The following NDUFS4 variants were observed in gnomAD, a reference collection of about 807,000 sequenced individuals.
The protein encoded by NDUFS4 is NADH dehydrogenase [ubiquinone] iron-sulfur protein 4, mitochondrial.
NDUFS4 carries 28 observed loss-of-function variants against 24.3 expected under a neutral mutation model. The ratio of observed to expected loss-of-function variants is 1.15; its 90% CI spans 0.85 to 1.58. NDUFS4 has a LOEUF of 1.58. Ranked by LOEUF, NDUFS4 falls within the 40% of genes most tolerant of loss-of-function variation. The probability of loss-of-function intolerance (pLI) is 0.00; values close to 1 mark genes in which losing one functional copy is unlikely to be tolerated. For missense variants in NDUFS4, 223 were observed against 207.9 expected, an observed-to-expected ratio of 1.07 and a Z score of -0.45; for synonymous variants, 93 against 69.7, an observed-to-expected ratio of 1.34 and a Z score of -1.67.
chr5:53,628,244 G>A (rs1751289594), intron 2 of NDUFS4, among the ~76,000 whole-genome samples: 1 of 152,174 alleles, frequency 6.6e-6, no homozygotes, highest in Non-Finnish European at 1.5e-5. Context: ...CTTGATTGTG[G>A]TGGATAAGCT....
At chr5:53,574,817 G>C (rs1749331388) in intron 1 of NDUFS4, among the ~76,000 whole-genome samples, 1 of 151,166 alleles carries the variant, frequency 6.6e-6, no homozygotes, top group African/African-American at 2.4e-5. Context: ...CAATTCCCTG[G>C]GGTTTCCTTT....
intron 1 of NDUFS4, among the ~76,000 whole-genome samples, chr5:53,563,724 A>C (rs1748932402): frequency 6.6e-6 from 1 of 151,910 alleles, no homozygotes; most frequent in Non-Finnish European, 1.5e-5. Flanking sequence ...CTGGTCTCAA[A>C]CTCCTACCCA....
intron 1 of NDUFS4, among the ~76,000 whole-genome samples, chr5:53,601,720 G>A (rs1285091075): frequency 6.6e-6 from 1 of 152,154 alleles, no homozygotes; most frequent in Non-Finnish European, 1.5e-5. Context: ...GTAGTGTGAT[G>A]AAATCTCATG....
chr5:53,615,801 C>G lies in NDUFS4; in HGVS notation c.177+12271C>G, dbSNP rs557932903. On this transcript the variant is annotated intron_variant, in intron 2 of 4. Transcript: ENST00000296684. ...ACATGAAAAATAAACTTGGCTTTCT[C>G]TAAACAACATATAGGATACAGAAAT... is the stretch of plus-strand genomic sequence containing the variant. 5.7e-4 allele frequency among the ~76,000 whole-genome samples: 87 copies of G among 152,144 alleles called. 1 individual carries two copies. The South Asian group carries it at 6.8e-3, about 12-fold the overall frequency.
At chr5:53,612,977 T>C (rs184461967) in intron 2 of NDUFS4, among the ~76,000 whole-genome samples, 40 of 152,228 alleles carry the variant, frequency 2.6e-4, no homozygotes, top group African/African-American at 8.9e-4. Context: ...ACTAAAAGTT[T>C]ATAGATGAAA....
chr5:53,592,195 G>C (rs932240663), intron 1 of NDUFS4, among the ~76,000 whole-genome samples: 2 of 151,914 alleles, frequency 1.3e-5, no homozygotes, highest in Non-Finnish European at 2.9e-5. Flanking sequence ...CAAGTGATCC[G>C]CCCGCCTCGG....
intron 4 of NDUFS4, among the ~76,000 whole-genome samples, chr5:53,675,550 A>G (rs1177728340): frequency 6.6e-6 from 1 of 152,028 alleles, no homozygotes; most frequent in East Asian, 1.9e-4. Flanking sequence ...GCTTTTCTCT[A>G]TACAGACATT....
intron 4 of NDUFS4, among the ~76,000 whole-genome samples, chr5:53,665,341 A>G (rs1752481060): frequency 6.6e-6 from 1 of 151,572 alleles, no homozygotes; most frequent in Non-Finnish European, 1.5e-5. Flanking sequence ...GAGAACCACT[A>G]CTCTTCAAAG....
At chr5:53,619,394 G>T (rs1750958549) in intron 2 of NDUFS4, among the ~76,000 whole-genome samples, 1 of 140,932 alleles carries the variant, frequency 7.1e-6, no homozygotes, top group Non-Finnish European at 1.5e-5. Flanking sequence ...GGAGGCTGAG[G>T]CAGAATCGCT....
intron 1 of NDUFS4, among the ~76,000 whole-genome samples, chr5:53,561,776 A>G (rs1293652029): frequency 2.6e-5 from 4 of 152,118 alleles, no homozygotes; most frequent in Non-Finnish European, 5.9e-5. Flanking sequence ...AATTCGGAAG[A>G]ATTTTTAAGG....
chr5:53,626,732 G>GT (rs921886153), intron 2 of NDUFS4, among the ~76,000 whole-genome samples: 109 of 151,682 alleles, frequency 7.2e-4, no homozygotes, highest in African/African-American at 2.5e-3. Context: ...GGGGCTGTTG[G>GT]TTTTTTTTCT....
intron 2 of NDUFS4, among the ~76,000 whole-genome samples, chr5:53,633,117 A>G (rs919227024): frequency 1.3e-5 from 2 of 152,194 alleles, no homozygotes; most frequent in Non-Finnish European, 1.5e-5. Flanking sequence ...TATACTTGAC[A>G]TTGTAATTCA....
chr5:53,663,427 G>A (rs1164557002), intron 4 of NDUFS4, among the ~76,000 whole-genome samples: 1 of 152,114 alleles, frequency 6.6e-6, no homozygotes, highest in Non-Finnish European at 1.5e-5. Context: ...TGTTGACAGT[G>A]GGGTGTTAAA....
At chr5:53,586,545 C>T (rs1458547416) in intron 1 of NDUFS4, among the ~76,000 whole-genome samples, 10 of 152,130 alleles carry the variant, frequency 6.6e-5, no homozygotes, top group South Asian at 2.1e-4. Flanking sequence ...TATTTTGAGA[C>T]GGAGTCTCAC....
intron 1 of NDUFS4, among the ~76,000 whole-genome samples, chr5:53,563,083 G>C (rs1278648346): frequency 7.1e-6 from 1 of 140,242 alleles, no homozygotes; most frequent in African/African-American, 2.6e-5. Context: ...CAAAAAATTA[G>C]CCAGGCGTGG....
intron 1 of NDUFS4, among the ~76,000 whole-genome samples, chr5:53,563,186 G>A (rs1016144764): frequency 6.9e-6 from 1 of 145,256 alleles, no homozygotes; most frequent in East Asian, 2.0e-4. Context: ...TCAAGATCGC[G>A]CCACTGCACT....
intron 1 of NDUFS4, among the ~76,000 whole-genome samples, chr5:53,583,099 G>A (rs1036290081): frequency 5.3e-5 from 8 of 152,000 alleles, no homozygotes; most frequent in African/African-American, 1.9e-4. Flanking sequence ...GGATGGTCTC[G>A]ATTTCCTGAC....
intron 4 of NDUFS4, among the ~76,000 whole-genome samples, chr5:53,660,866 A>G (rs1752321012): frequency 6.6e-6 from 1 of 151,954 alleles, no homozygotes; most frequent in Non-Finnish European, 1.5e-5. Flanking sequence ...TTTCTTGTAA[A>G]TTTGTTTGAG....
At chr5:53,662,453 C>G (rs939070202) in intron 4 of NDUFS4, among the ~76,000 whole-genome samples, 2 of 152,092 alleles carry the variant, frequency 1.3e-5, no homozygotes, top group African/African-American at 2.4e-5. Context: ...GTCTAAAAAT[C>G]TCTTTTTTTT....
Sources: allele counts gnomAD v4.1 joint callset (sites outside exome capture counted in the v4.1 genomes callset), GRCh38; gene constraint gnomAD v4.1.1; transcripts MANE v1.5; gene names NCBI Gene and HGNC (gene_info 2026-07-23, HGNC 2026-07-21).